CNTN5: variants seen among roughly 807,000 people sequenced by gnomAD.
CNTN5 encodes the protein contactin-5.
CNTN5 carries 77 observed loss-of-function variants against 129.1 expected under a neutral mutation model. That is an observed-to-expected ratio of 0.60 (90% confidence interval 0.50 to 0.72). CNTN5 has a LOEUF of 0.72. Among genes scored for constraint, CNTN5 ranks in the 30% least tolerant of loss-of-function variants. CNTN5 has a pLI of 0.00. For missense variants in CNTN5, 1,478 were observed against 1,328.8 expected (o/e 1.11, Z -1.75); for synonymous variants, 509 against 465.6 (o/e 1.09, Z -1.20).
chr11:99,346,038 A>G (rs909775182), intron 2 of CNTN5, among the ~76,000 whole-genome samples: 1 of 152,206 alleles, frequency 6.6e-6, no homozygotes, highest in Non-Finnish European at 1.5e-5. Flanking sequence ...CTAACATAAT[A>G]CTTTTTAAAG....
At chr11:99,679,761 A>T (rs1233254504) in intron 3 of CNTN5, among the ~76,000 whole-genome samples, 1 of 152,264 alleles carries the variant, frequency 6.6e-6, no homozygotes, top group Non-Finnish European at 1.5e-5. Flanking sequence ...GCTAGAAATG[A>T]TTACACTTAG....
At chr11:99,214,683 T>C (rs1169215641) in intron 1 of CNTN5, among the ~76,000 whole-genome samples, 3 of 152,008 alleles carry the variant, frequency 2.0e-5, no homozygotes, top group African/African-American at 7.2e-5. Flanking sequence ...TGGTGAAAAC[T>C]TTTTTCCTAT....
Position 99,127,098 on chromosome 11 carries a change from C to A in CNTN5, c.-210+105828C>A, listed in dbSNP as rs1009359098. On this transcript the variant is annotated intron_variant, in intron 1 of 24. Coordinates refer to ENST00000524871, the MANE Select transcript of CNTN5 (RefSeq NM_014361.4). Reference sequence around the variant, plus strand: ...GCTTCAGAACTCAATAGTTCATGGTCTGTTTCATATTTTTATATGAAGCAC... The same window carrying A: ...GCTTCAGAACTCAATAGTTCATGGTATGTTTCATATTTTTATATGAAGCAC... Among the ~76,000 whole-genome samples the A allele has an allele frequency of 2.0e-5, 3 of 152,146 alleles. 1 individual carries two copies. Among genetic ancestry groups the A allele is most frequent in the African/African-American group, 4.8e-5 (2 of 41,432 alleles).
intron 1 of CNTN5, among the ~76,000 whole-genome samples, chr11:99,112,151 CAT>C (rs1238638435): frequency 6.6e-6 from 1 of 151,992 alleles, no homozygotes; most frequent in African/African-American, 2.4e-5. Flanking sequence ...GTAGAAAAGA[CAT>C]ATGTTACACC....
intron 3 of CNTN5, among the ~76,000 whole-genome samples, chr11:99,694,570 G>T (rs1954181941): frequency 6.6e-6 from 1 of 152,038 alleles, no homozygotes. Context: ...TGCAGAATAT[G>T]CAGGTTTGTT....
Position 99,844,862 on chromosome 11 carries a change from C to A in CNTN5, c.288C>A (p.Asp96Glu), listed in dbSNP as rs779022436. Reference protein sequence around the residue: ...SDAFKQDESVDYGPVFVQEPD... With the variant: ...SDAFKQDESVEYGPVFVQEPD... ...GTTTTGTCTTTACAGAAAGTGTGGA[C>A]TATGGGCCAGTTTTTGTGCAAGAAC... The change falls in exon 5 of 25, where the codon GAC (aspartate) becomes GAA (glutamate). Residue 96 changes from aspartate (D) to glutamate (E), a missense_variant. Asp to Glu is a conservative substitution (Grantham distance 45). Transcript: ENST00000524871. The A allele has an allele frequency of 6.2e-7, 1 of 1,613,160 alleles. No homozygotes were observed. Among genetic ancestry groups the A allele is most frequent in the Non-Finnish European group, 8.5e-7 (1 of 1,179,496 alleles).
intron 15 of CNTN5, among the ~76,000 whole-genome samples, chr11:100,224,467 T>C (rs1949331056): frequency 6.6e-6 from 1 of 152,164 alleles, no homozygotes; most frequent in African/African-American, 2.4e-5. Flanking sequence ...AGCTGCTAAA[T>C]CATTATATGC....
chr11:99,309,958 C>A (rs1026426744), intron 1 of CNTN5, among the ~76,000 whole-genome samples: 10 of 152,006 alleles, frequency 6.6e-5, no homozygotes, highest in Non-Finnish European at 1.3e-4. Flanking sequence ...GAACACAGAT[C>A]AGCAGCTAAA....
chr11:99,139,257 A>G (rs1417479768), intron 1 of CNTN5, among the ~76,000 whole-genome samples: 2 of 152,150 alleles, frequency 1.3e-5, no homozygotes, highest in Admixed American at 6.6e-5. Flanking sequence ...GCATGACAGA[A>G]TGTGACCCCA....
intron 1 of CNTN5, among the ~76,000 whole-genome samples, chr11:99,067,731 A>C (rs1030387101): frequency 2.0e-5 from 3 of 152,180 alleles, no homozygotes; most frequent in Non-Finnish European, 4.4e-5. Flanking sequence ...TATATTAGAT[A>C]ATTTATAATG....
chr11:99,560,333 C>T lies in CNTN5; in HGVS notation c.55+4064C>T, dbSNP rs186969564. Among the ~76,000 whole-genome samples the T allele has an allele frequency of 4.6e-3, 700 of 150,986 alleles. 2 individuals carry two copies. Among genetic ancestry groups the T allele is most frequent in the Non-Finnish European group, 6.2e-3 (419 of 67,838 alleles). Reference sequence around the variant, plus strand: ...TTTGAGATGGAGTTTCACCTTGTCTCCCAGGCTGCAGTGCAGTGAAGCTAT... The same window carrying T: ...TTTGAGATGGAGTTTCACCTTGTCTTCCAGGCTGCAGTGCAGTGAAGCTAT... On this transcript the variant is annotated intron_variant, in intron 3 of 24. Transcript: ENST00000524871.
At chr11:100,184,111 G>A (rs1482794104) in intron 13 of CNTN5, among the ~76,000 whole-genome samples, 4 of 152,010 alleles carry the variant, frequency 2.6e-5, no homozygotes, top group Admixed American at 1.3e-4. Flanking sequence ...AATAGCTCAG[G>A]TTTCTGTGTT....
At chr11:100,317,901 C>T (rs1279891677) in intron 21 of CNTN5, among the ~76,000 whole-genome samples, 3 of 151,912 alleles carry the variant, frequency 2.0e-5, no homozygotes, top group Non-Finnish European at 4.4e-5. Context: ...ATTGTTGAAA[C>T]ACAAATGGAA....
intron 3 of CNTN5, among the ~76,000 whole-genome samples, chr11:99,706,492 A>G (rs1178806915): frequency 6.6e-6 from 1 of 151,490 alleles, no homozygotes; most frequent in Admixed American, 6.6e-5. Flanking sequence ...TGGAAACACC[A>G]TAGGAAACTG....
At chr11:99,870,753 C>G (rs1948483534) in intron 6 of CNTN5, among the ~76,000 whole-genome samples, 1 of 152,084 alleles carries the variant, frequency 6.6e-6, no homozygotes, top group Admixed American at 6.6e-5. Flanking sequence ...AAACCTTCAT[C>G]ATATTTCCCC....
chr11:100,324,057 T>C (rs1473911040), intron 21 of CNTN5, among the ~76,000 whole-genome samples: 1 of 152,172 alleles, frequency 6.6e-6, no homozygotes, highest in African/African-American at 2.4e-5. Flanking sequence ...TATTGTAATA[T>C]GTCAACCTAA....
intron 24 of CNTN5, among the ~76,000 whole-genome samples, chr11:100,354,132 A>G (rs973738787): frequency 6.6e-6 from 1 of 151,640 alleles, no homozygotes; most frequent in East Asian, 1.9e-4. Flanking sequence ...GCAAGAGGAG[A>G]ATAAATAATT....
chr11:100,003,206 A>G (rs1939986343), intron 9 of CNTN5, among the ~76,000 whole-genome samples: 1 of 152,174 alleles, frequency 6.6e-6, no homozygotes, highest in Admixed American at 6.5e-5. Flanking sequence ...AGCAAAATGA[A>G]TTGTTATGTG....
intron 2 of CNTN5, among the ~76,000 whole-genome samples, chr11:99,445,473 G>A (rs1053962888): frequency 3.3e-5 from 5 of 152,030 alleles, no homozygotes; most frequent in Non-Finnish European, 7.4e-5. Flanking sequence ...TTTCTTGATT[G>A]TGTATCATAT....
Sources: allele counts gnomAD v4.1 joint callset (sites outside exome capture counted in the v4.1 genomes callset), GRCh38; gene constraint gnomAD v4.1.1; transcripts MANE v1.5; gene names NCBI Gene and HGNC (gene_info 2026-07-23, HGNC 2026-07-21).